The following CCDC85A variants were observed in gnomAD, a reference collection of about 807,000 sequenced individuals.
CCDC85A encodes coiled-coil domain-containing protein 85A.
Under a neutral mutation model 50.2 loss-of-function variants are expected in CCDC85A, and 38 were observed. The ratio of observed to expected loss-of-function variants is 0.76; its 90% CI spans 0.58 to 0.99. CCDC85A has a LOEUF of 0.99. CCDC85A is among the 50% of genes least tolerant of loss of function. The pLI is 0.00. For synonymous variants in CCDC85A, 366 were observed against 301.4 expected (o/e 1.21, Z -2.22); for missense variants, 820 against 742.0 (o/e 1.11, Z -1.22).
chr2:56,237,853 G>T (rs772609692), intron 2 of CCDC85A, among the ~76,000 whole-genome samples: 1 of 151,948 alleles, frequency 6.6e-6, no homozygotes, highest in African/African-American at 2.4e-5. Flanking sequence ...ATGCCTATTC[G>T]GAATGGTCTA....
rs1301579772 is a variant in CCDC85A, at chr2:56,192,104, A to G, written c.277-373A>G. Among the ~76,000 whole-genome samples, 1 of 152,212 alleles carries G rather than the reference A, an allele frequency of 6.6e-6. No individual in the cohort carries two copies. The highest frequency in any genetic ancestry group is 6.5e-5 in the Admixed American group (1 of 15,286). ...CGATTTCCTCTTCTGTATAAGAGCCATAATAATTATTATCCCCTAAATGTT... is the reference window on the plus strand; with the variant it reads ...CGATTTCCTCTTCTGTATAAGAGCCGTAATAATTATTATCCCCTAAATGTT... On this transcript the variant is annotated intron_variant, in intron 1 of 5. Transcript: ENST00000407595. This position sits in a 1 kb window ranked among gnomAD's most constrained non-coding sequence, Gnocchi z 4.7.
At chr2:56,373,527 A>ACTAT (rs1676185869) in intron 4 of CCDC85A, among the ~76,000 whole-genome samples, 1 of 152,212 alleles carries the variant, frequency 6.6e-6, no homozygotes, top group African/African-American at 2.4e-5. Context: ...AATGCCCTGA[A>ACTAT]CGATAGAGGC....
At chr2:56,286,123 C>G (rs1365391300) in intron 2 of CCDC85A, among the ~76,000 whole-genome samples, 1 of 151,490 alleles carries the variant, frequency 6.6e-6, no homozygotes, top group African/African-American at 2.4e-5. Context: ...ATGTACGCAT[C>G]TTTCTCAGGC....
intron 3 of CCDC85A, among the ~76,000 whole-genome samples, chr2:56,372,070 G>T (rs1676100904): frequency 6.6e-6 from 1 of 152,116 alleles, no homozygotes; most frequent in Non-Finnish European, 1.5e-5. Flanking sequence ...ATACCTTCAA[G>T]TTTTTTCTGT....
chr2:56,241,382 G>A (rs1018739838), intron 2 of CCDC85A, among the ~76,000 whole-genome samples: 4 of 151,972 alleles, frequency 2.6e-5, no homozygotes, highest in African/African-American at 7.2e-5. Context: ...ATTATTGACT[G>A]TAGTTGCCGC....
intron 3 of CCDC85A, among the ~76,000 whole-genome samples, chr2:56,367,983 T>TTGTC (rs1553418701): frequency 7.2e-5 from 11 of 152,064 alleles, no homozygotes; most frequent in South Asian, 2.1e-4. Flanking sequence ...GTCATGCAGC[T>TTGTC]CATAAGTGTC....
chr2:56,296,819 A>G (rs1475678264), intron 2 of CCDC85A, among the ~76,000 whole-genome samples: 1 of 152,190 alleles, frequency 6.6e-6, no homozygotes, highest in African/African-American at 2.4e-5. Context: ...TAGCATAATA[A>G]TTATCTATTT....
chr2:56,259,671 G>A (rs958740318), intron 2 of CCDC85A, among the ~76,000 whole-genome samples: 1 of 152,104 alleles, frequency 6.6e-6, no homozygotes, highest in Non-Finnish European at 1.5e-5. Context: ...TGCCTGCCTG[G>A]CTGGAGCTGT....
chr2:56,203,022 G>C (rs551950869), intron 2 of CCDC85A, among the ~76,000 whole-genome samples: 1 of 152,196 alleles, frequency 6.6e-6, no homozygotes, highest in Non-Finnish European at 1.5e-5. Context: ...ATCAGTTTTT[G>C]AGGGGGATGC....
intron 2 of CCDC85A, among the ~76,000 whole-genome samples, chr2:56,295,024 A>G (rs1319988295): frequency 5.3e-5 from 8 of 152,250 alleles, no homozygotes. Flanking sequence ...TGGTATAAGA[A>G]TCAAAACATT....
intron 3 of CCDC85A, among the ~76,000 whole-genome samples, chr2:56,367,204 G>C (rs546173382): frequency 6.6e-6 from 1 of 152,020 alleles, no homozygotes; most frequent in African/African-American, 2.4e-5. Context: ...CTTTCCTTTG[G>C]ACCACTGCCC....
At chr2:56,206,736 A>C (rs1369134024) in intron 2 of CCDC85A, among the ~76,000 whole-genome samples, 1 of 152,200 alleles carries the variant, frequency 6.6e-6, no homozygotes. Flanking sequence ...TGGGGAACAC[A>C]TTCAAACCAC....
intron 2 of CCDC85A, among the ~76,000 whole-genome samples, chr2:56,309,918 C>T (rs1672613178): frequency 6.6e-6 from 1 of 152,104 alleles, no homozygotes; most frequent in Admixed American, 6.6e-5. Context: ...ATATAATGTG[C>T]ACTTTGCCCG....
intron 2 of CCDC85A, among the ~76,000 whole-genome samples, chr2:56,284,482 C>T (rs1465781265): frequency 6.6e-6 from 1 of 152,184 alleles, no homozygotes; most frequent in Non-Finnish European, 1.5e-5. Context: ...AAGTGATTTT[C>T]CTGCCTCAGC....
intron 2 of CCDC85A, among the ~76,000 whole-genome samples, chr2:56,228,992 A>G (rs1332727446): frequency 6.6e-6 from 1 of 152,216 alleles, no homozygotes; most frequent in Non-Finnish European, 1.5e-5. Context: ...GTTGAAATAC[A>G]GGAACTGGAT....
In CCDC85A at chr2:56,266,819, A is replaced by G. The variant is rs373383944; in HGVS notation, c.1240+73379A>G. 6.4e-4 allele frequency among the ~76,000 whole-genome samples: 98 copies of G among 152,214 alleles called. 2 individuals are homozygous for G. In the South Asian group the frequency reaches 0.019, roughly 30 times the overall value. On this transcript the variant is annotated intron_variant, in intron 2 of 5. Transcript: ENST00000407595. ...TCTGACCCTTAGTTATGTCCTCTTT[A>G]TTGGAAAGGAATAGTATCAAGTTGT...
intron 2 of CCDC85A, among the ~76,000 whole-genome samples, chr2:56,201,825 T>C (rs780819030): frequency 6.6e-6 from 1 of 152,146 alleles, no homozygotes; most frequent in African/African-American, 2.4e-5. Context: ...TAGAACATCA[T>C]AGAATCATAG....
intron 2 of CCDC85A, among the ~76,000 whole-genome samples, chr2:56,211,704 G>A (rs1677185118): frequency 6.6e-6 from 1 of 151,984 alleles, no homozygotes; most frequent in Admixed American, 6.6e-5. Context: ...ATCCTAGAAT[G>A]TCAACAAATT....
chr2:56,332,257 C>G (rs1030452128), intron 2 of CCDC85A, among the ~76,000 whole-genome samples: 1 of 152,212 alleles, frequency 6.6e-6, no homozygotes, highest in Non-Finnish European at 1.5e-5. Context: ...GTGTCTCCCT[C>G]TCTTCTTGCC....
Sources: allele counts gnomAD v4.1 joint callset (sites outside exome capture counted in the v4.1 genomes callset), GRCh38; gene constraint gnomAD v4.1.1; non-coding constraint Gnocchi (gnomAD v3.1); transcripts MANE v1.5; gene names NCBI Gene and HGNC (gene_info 2026-07-23, HGNC 2026-07-21).